Variants in CBR4 observed in about 807,000 individuals in gnomAD.
The protein encoded by CBR4 is carbonyl reductase 4.
In CBR4, 22 loss-of-function variants were observed where a neutral mutation model predicts 21.0. The observed-to-expected ratio is 1.05, with a 90% confidence interval of 0.75 to 1.50. The LOEUF is 1.50. Ranked by LOEUF, CBR4 falls within the 40% of genes most tolerant of loss-of-function variation. The probability of loss-of-function intolerance (pLI) is 0.00; values close to 1 mark genes in which losing one functional copy is unlikely to be tolerated. For missense variants in CBR4, 302 were observed against 286.3 expected, an observed-to-expected ratio of 1.05 and a Z score of -0.40; for synonymous variants, 100 against 104.4, an observed-to-expected ratio of 0.96 and a Z score of 0.26.
At chr4:168,940,093 T>C (rs1023289626) in intron 2 of CBR4, among the ~76,000 whole-genome samples, 1 of 152,194 alleles carries the variant, frequency 6.6e-6, no homozygotes, top group African/African-American at 2.4e-5. Context: ...AAAACAGATA[T>C]ATAGACCAAT....
chr4:168,990,173 C>G lies in CBR4; in HGVS notation c.691G>C (p.Gly231Arg), dbSNP rs963272512. The G allele has an allele frequency of 6.2e-7, 1 of 1,605,892 alleles. No homozygotes were observed. Among genetic ancestry groups the G allele is most frequent in the Non-Finnish European group, 8.5e-7 (1 of 1,176,452 alleles). Residue 231 changes from glycine to arginine, a missense_variant, in exon 5 of 5, where the codon GGG becomes CGG. Transcript: ENST00000306193. The stretch of plus-strand genomic sequence containing the variant: ...AATTACAAAATGAGTTGTAATCCCC[C>G]ATCCACTACCAGAACATGCCCTGTA... ...YITGHVLVVD[G>R]GLQLIL
At chr4:168,947,438 T>A (rs1763423157) in intron 2 of CBR4, among the ~76,000 whole-genome samples, 1 of 152,118 alleles carries the variant, frequency 6.6e-6, no homozygotes, top group South Asian at 2.1e-4. Flanking sequence ...TTTGGTTACA[T>A]GAGTAAGTTC....
chr4:168,937,042 T>C (rs954452628), intron 2 of CBR4, among the ~76,000 whole-genome samples: 1 of 151,990 alleles, frequency 6.6e-6, no homozygotes, highest in Middle Eastern at 3.4e-3. Flanking sequence ...GAGAGAAAGA[T>C]CCTCCTTTGG....
intron 4 of CBR4, among the ~76,000 whole-genome samples, chr4:168,994,259 A>T (rs907849654): frequency 1.3e-5 from 2 of 152,244 alleles, no homozygotes; most frequent in Admixed American, 6.5e-5. Flanking sequence ...GCAAGCCCTT[A>T]AGGCACAGAT....
At chr4:168,987,556 A>C, downstream of CBR4, 1 of 707,646 alleles carries the variant, frequency 1.4e-6, no homozygotes, top group Non-Finnish European at 1.7e-6. Context: ...CTACTCTTAT[A>C]GTTGCAGAGA....
At position 168,976,815 on chromosome 4, in the gene CBR4, G is replaced by A. The variant is rs551225674; in HGVS notation, n.169+25256C>T. Among the ~76,000 whole-genome samples the A allele has an allele frequency of 4.6e-5, 7 of 152,306 alleles. No homozygotes were observed. The East Asian group carries it at 9.6e-4, about 21-fold the overall frequency. On this transcript the variant is annotated intron_variant and non_coding_transcript_variant, in intron 2 of 3. Coordinates refer to the CBR4 transcript ENST00000509108. ...TGGGGCAGGAACAAATCACAATGGT[G>A]GAATGTCATCAGTTAAGGCAGGAAC...
At chr4:168,950,942 G>A (rs1763522899) in intron 2 of CBR4, among the ~76,000 whole-genome samples, 1 of 152,144 alleles carries the variant, frequency 6.6e-6, no homozygotes, top group African/African-American at 2.4e-5. Flanking sequence ...TGCATGAAAT[G>A]CCTTTTTCCC....
chr4:168,973,497 T>C (rs1578962844), intron 2 of CBR4, among the ~76,000 whole-genome samples: 1 of 152,304 alleles, frequency 6.6e-6, no homozygotes, highest in Non-Finnish European at 1.5e-5. Context: ...CCAGCTAATT[T>C]TTGTATGTTT....
intron 2 of CBR4, among the ~76,000 whole-genome samples, chr4:168,929,190 T>TACAC (rs138874337): frequency 1.3e-5 from 2 of 151,356 alleles, no homozygotes; most frequent in African/African-American, 4.9e-5. Flanking sequence ...AATGAGATAT[T>TACAC]ACACACACAC....
intron 2 of CBR4, chr4:168,924,306 G>A: frequency 6.2e-7 from 1 of 1,613,952 alleles, no homozygotes; most frequent in Non-Finnish European, 8.5e-7. Context: ...CAAAACACAG[G>A]AGTTGCTGAT....
chr4:168,895,329 C>T (rs1413759195), intron 2 of CBR4, among the ~76,000 whole-genome samples: 2 of 152,194 alleles, frequency 1.3e-5, no homozygotes, highest in African/African-American at 2.4e-5. Flanking sequence ...TTGCAGTGAG[C>T]TGAGGTTGTA....
At chr4:168,906,603 A>G (rs6845743) in intron 2 of CBR4, among the ~76,000 whole-genome samples, 129,066 of 152,150 alleles carry the variant, frequency 0.85, 54,934 homozygotes, top group East Asian at 1. Context: ...ATTATAATTT[A>G]TCAATTAGAA....
intron 2 of CBR4, chr4:168,921,802 ACTAATT>A (rs1367117105): frequency 7.1e-5 from 91 of 1,273,788 alleles, no homozygotes; most frequent in Non-Finnish European, 1.0e-4. Flanking sequence ...ACAAATGTAA[ACTAATT>A]CTACATTACT....
At chr4:169,000,733 T>A (rs1437699072) in intron 4 of CBR4, among the ~76,000 whole-genome samples, 1 of 152,204 alleles carries the variant, frequency 6.6e-6, no homozygotes, top group African/African-American at 2.4e-5. Flanking sequence ...AAATACCTAA[T>A]CAAAATTTCT....
chr4:169,002,847 C>G (rs1730575127), intron 3 of CBR4, among the ~76,000 whole-genome samples: 3 of 151,650 alleles, frequency 2.0e-5, no homozygotes, highest in Middle Eastern at 3.4e-3. Context: ...AGTGCTCACT[C>G]TGTGTCTCTT....
At chr4:168,997,257 C>T (rs116180318) in intron 4 of CBR4, among the ~76,000 whole-genome samples, 1,736 of 152,144 alleles carry the variant, frequency 0.011, 49 homozygotes, top group African/African-American at 0.04. Flanking sequence ...CTTAACTCGA[C>T]GAAAAGATAA....
intron 2 of CBR4, among the ~76,000 whole-genome samples, chr4:168,960,451 T>C (rs1375156322): frequency 6.6e-6 from 1 of 152,116 alleles, no homozygotes; most frequent in African/African-American, 2.4e-5. Context: ...ATGTATAAAA[T>C]ATTCAGGAAG....
intron 2 of CBR4, chr4:168,898,398 T>C: frequency 2.5e-6 from 2 of 794,726 alleles, no homozygotes; most frequent in Non-Finnish European, 4.4e-6. Context: ...GGTAAAAATA[T>C]CACTGTCTTC....
intron 2 of CBR4, among the ~76,000 whole-genome samples, chr4:168,962,568 T>C (rs1285357010): frequency 1.3e-5 from 2 of 152,176 alleles, no homozygotes; most frequent in African/African-American, 4.8e-5. Context: ...GAATTGCTGG[T>C]TGGTAGAGAA....
Sources: gnomAD v4.1 joint callset for allele counts (sites outside exome capture counted in the v4.1 genomes callset) on GRCh38, gnomAD v4.1.1 for gene constraint, MANE v1.5 for transcripts, NCBI Gene and HGNC (gene_info 2026-07-23, HGNC 2026-07-21) for gene names.